The following CA10 variants were observed in gnomAD, a reference collection of about 807,000 sequenced individuals.
CA10 encodes carbonic anhydrase 10 (inactive).
In CA10, 14 loss-of-function variants were observed where a neutral mutation model predicts 44.2. The observed-to-expected ratio is 0.32, with a 90% CI of 0.21 to 0.50. The LOEUF is 0.50. Among genes scored for constraint, CA10 ranks in the 20% least tolerant of loss-of-function variants. The probability of loss-of-function intolerance (pLI) is 0.99; values close to 1 mark genes in which losing one functional copy is unlikely to be tolerated. For missense variants in CA10, 350 were observed against 409.7 expected (o/e 0.85, Z 1.26); for synonymous variants, 159 against 141.6 (o/e 1.12, Z -0.87).
chr17:51,773,493 A>T (rs1905692622), intron 3 of CA10, among the ~76,000 whole-genome samples: 1 of 152,198 alleles, frequency 6.6e-6, no homozygotes, highest in Non-Finnish European at 1.5e-5. Flanking sequence ...AAGTTGCTAG[A>T]TTTCTGCAGG....
At chr17:51,916,576 A>G (rs1383562599) in intron 3 of CA10, among the ~76,000 whole-genome samples, 1 of 152,150 alleles carries the variant, frequency 6.6e-6, no homozygotes, top group Non-Finnish European at 1.5e-5. Context: ...CGTGTGAGAC[A>G]TGCCTTTGAC....
At chr17:52,145,006 T>C (rs1263667155) in intron 1 of CA10, among the ~76,000 whole-genome samples, 1 of 152,180 alleles carries the variant, frequency 6.6e-6, no homozygotes, top group African/African-American at 2.4e-5. Context: ...TGAGGTTAAA[T>C]AGTAAGATAA....
intron 2 of CA10, among the ~76,000 whole-genome samples, chr17:51,939,342 C>T (rs1982988286): frequency 6.6e-6 from 1 of 152,048 alleles, no homozygotes; most frequent in Admixed American, 6.6e-5. Flanking sequence ...TCTTACTTTA[C>T]CATGAAAATC....
At chr17:51,908,353 C>T (rs892955136) in intron 3 of CA10, among the ~76,000 whole-genome samples, 2 of 152,150 alleles carry the variant, frequency 1.3e-5, no homozygotes, top group Non-Finnish European at 2.9e-5. Flanking sequence ...CTGAGGTTTC[C>T]ATCTGAACTT....
At chr17:51,631,771 A>G (rs1912592181) in intron 8 of CA10, among the ~76,000 whole-genome samples, 165 bp from the exon 9 acceptor site, 1 of 152,224 alleles carries the variant, frequency 6.6e-6, no homozygotes. Flanking sequence ...CCAATTCTCC[A>G]TGACCTTCTA....
intron 4 of CA10, among the ~76,000 whole-genome samples, chr17:51,675,945 G>T (rs956713288): frequency 6.6e-6 from 1 of 151,362 alleles, no homozygotes; most frequent in Non-Finnish European, 1.5e-5. Context: ...TTTTGAGAAG[G>T]ATCTACACAT....
intron 1 of CA10, among the ~76,000 whole-genome samples, chr17:52,140,941 C>T (rs1989465217): frequency 6.6e-6 from 1 of 152,118 alleles, no homozygotes; most frequent in African/African-American, 2.4e-5. Flanking sequence ...ATGAGTCTGG[C>T]CTGTCTCAAT....
intron 2 of CA10, among the ~76,000 whole-genome samples, chr17:51,995,418 AT>A: frequency 6.6e-6 from 1 of 152,208 alleles, no homozygotes; most frequent in East Asian, 1.9e-4. Flanking sequence ...ATGGGGTAGC[AT>A]TTTTTAAAAA....
rs570533743 is a variant in CA10, at chr17:51,761,436, T to A, written c.280-13618A>T. On this transcript the variant is annotated intron_variant, in intron 3 of 8. Coordinates refer to ENST00000451037, the MANE Select transcript of CA10 (RefSeq NM_020178.5). ...ATTATCTAAATTATAAACCTCTTAATATCTCTCCTAAGAATTTGGTTGAAT... is the reference window on the plus strand; with the variant it reads ...ATTATCTAAATTATAAACCTCTTAAAATCTCTCCTAAGAATTTGGTTGAAT... 1.7e-3 allele frequency: 257 copies of A among 152,300 alleles called. 4 individuals carry two copies. Among genetic ancestry groups the A allele is most frequent in the African/African-American group, 6.0e-3 (250 of 41,564 alleles). 9.4% of individuals were successfully genotyped at this position (152,300 alleles called of 1,614,324 possible).
At chr17:51,799,521 A>G (rs1254902907) in intron 3 of CA10, among the ~76,000 whole-genome samples, 1 of 152,126 alleles carries the variant, frequency 6.6e-6, no homozygotes, top group Non-Finnish European at 1.5e-5. Context: ...TGGGTACAAT[A>G]TCCTAACATT....
At chr17:51,804,327 G>A (rs976453438) in intron 3 of CA10, among the ~76,000 whole-genome samples, 4 of 152,104 alleles carry the variant, frequency 2.6e-5, no homozygotes, top group East Asian at 1.9e-4. Flanking sequence ...ATCACTGTCC[G>A]CATTTGTTTC....
chr17:52,085,932 A>G (rs1367161189), intron 1 of CA10, among the ~76,000 whole-genome samples: 1 of 152,164 alleles, frequency 6.6e-6, no homozygotes, highest in Non-Finnish European at 1.5e-5. Flanking sequence ...ACCTTCTAAA[A>G]ACCTTCCGTG....
At chr17:52,108,906 G>A (rs1988731792) in intron 1 of CA10, among the ~76,000 whole-genome samples, 1 of 151,810 alleles carries the variant, frequency 6.6e-6, no homozygotes, top group Non-Finnish European at 1.5e-5. Context: ...ACAAGTTATG[G>A]AGAAATAAAA....
intron 2 of CA10, among the ~76,000 whole-genome samples, chr17:51,974,529 GAAAGA>G (rs1254528891): frequency 2.7e-5 from 4 of 150,420 alleles, no homozygotes; most frequent in Admixed American, 6.6e-5. Context: ...CAAAAAAAAA[GAAAGA>G]AAAGAGCTTC....
intron 3 of CA10, among the ~76,000 whole-genome samples, chr17:51,789,008 TTTTC>T (rs1871746959): frequency 6.6e-6 from 1 of 152,132 alleles, no homozygotes; most frequent in South Asian, 2.1e-4. Context: ...TCAATTACAG[TTTTC>T]TTTCTTTCTT....
intron 6 of CA10, among the ~76,000 whole-genome samples, chr17:51,638,703 A>G (rs1912939323): frequency 6.6e-6 from 1 of 152,214 alleles, no homozygotes; most frequent in African/African-American, 2.4e-5. Flanking sequence ...GGCATGACAG[A>G]GACAATGACA....
At chr17:51,800,349 G>A (rs1038098351) in intron 3 of CA10, among the ~76,000 whole-genome samples, 2 of 152,148 alleles carry the variant, frequency 1.3e-5, no homozygotes, top group East Asian at 1.9e-4. Context: ...GTGGGTCAGA[G>A]GGAAATGGGG....
At chr17:52,048,562 A>G (rs1481561563) in intron 2 of CA10, among the ~76,000 whole-genome samples, 1 of 152,034 alleles carries the variant, frequency 6.6e-6, no homozygotes, top group Non-Finnish European at 1.5e-5. Context: ...CAGCTGAAAC[A>G]TCAAGGAGCC....
intron 2 of CA10, among the ~76,000 whole-genome samples, chr17:51,979,067 T>C (rs1252010938): frequency 6.6e-6 from 1 of 152,140 alleles, no homozygotes; most frequent in Non-Finnish European, 1.5e-5. Flanking sequence ...CATGGCCCTC[T>C]GAGCATGTGG....
Sources: gnomAD v4.1 joint callset for allele counts (sites outside exome capture counted in the v4.1 genomes callset) on GRCh38, gnomAD v4.1.1 for gene constraint, MANE v1.5 for transcripts, NCBI Gene and HGNC (gene_info 2026-07-23, HGNC 2026-07-21) for gene names.